The following ALPK2 variants were observed in gnomAD, a reference collection of about 807,000 sequenced individuals.
ALPK2 encodes alpha kinase 2, also known as alpha-protein kinase 2.
In ALPK2, 127 loss-of-function variants were observed where a neutral mutation model predicts 163.1. That is an observed-to-expected ratio of 0.78 (90% CI 0.67 to 0.90). The LOEUF (loss-of-function observed/expected upper bound fraction) is 0.90. ALPK2 is among the 40% of genes least tolerant of loss of function. ALPK2 has a pLI of 0.00. For missense variants in ALPK2, 2,360 were observed against 2,589.6 expected (o/e 0.91, Z 1.92); for synonymous variants, 953 against 959.1 (o/e 0.99, Z 0.12).
intron 4 of ALPK2, among the ~76,000 whole-genome samples, chr18:58,560,916 A>G (rs956625871): frequency 2.6e-5 from 4 of 152,226 alleles, no homozygotes; most frequent in Admixed American, 2.0e-4. Flanking sequence ...ATGCCCCAGA[A>G]TGGCCAGTGA....
intron 1 of ALPK2, among the ~76,000 whole-genome samples, chr18:58,618,648 A>G (rs1451553623): frequency 6.6e-6 from 1 of 152,228 alleles, no homozygotes; most frequent in African/African-American, 2.4e-5. Context: ...TGGGTTTAAC[A>G]TTGGCAAGAT....
intron 1 of ALPK2, among the ~76,000 whole-genome samples, chr18:58,614,380 G>A (rs2052152949): frequency 6.6e-6 from 1 of 152,144 alleles, no homozygotes; most frequent in African/African-American, 2.4e-5. Flanking sequence ...AATTATTTTT[G>A]GTTATAGAAC....
intron 10 of ALPK2, among the ~76,000 whole-genome samples, chr18:58,508,040 T>C (rs2051470320): frequency 6.6e-6 from 1 of 152,160 alleles, no homozygotes; most frequent in South Asian, 2.1e-4. Flanking sequence ...TCAGACCCTG[T>C]ATTCTGATGG....
At chr18:58,555,020 T>G (rs1293731056) in intron 4 of ALPK2, among the ~76,000 whole-genome samples, 1 of 152,242 alleles carries the variant, frequency 6.6e-6, no homozygotes, top group Non-Finnish European at 1.5e-5. Flanking sequence ...TTGTGAGGTC[T>G]TCTTAGCCAT....
chr18:58,585,185 T>G (rs1419539050), intron 3 of ALPK2, among the ~76,000 whole-genome samples: 1 of 152,238 alleles, frequency 6.6e-6, no homozygotes, highest in Non-Finnish European at 1.5e-5. Flanking sequence ...TCAAGACTCT[T>G]TAACACTCTT....
chr18:58,534,729 G>A (rs1436987598), intron 5 of ALPK2, 105 bp downstream of exon 5: 2 of 1,415,342 alleles, frequency 1.4e-6, no homozygotes, highest in Non-Finnish European at 1.9e-6. Context: ...ATGCCCACCT[G>A]GGGGACACTG....
chr18:58,533,081 C>T (rs1398267807), intron 5 of ALPK2, among the ~76,000 whole-genome samples: 1 of 152,226 alleles, frequency 6.6e-6, no homozygotes, highest in African/African-American at 2.4e-5. Context: ...TCCGGCAGGG[C>T]CCTCTCAGGA....
intron 11 of ALPK2, among the ~76,000 whole-genome samples, chr18:58,499,188 C>G (rs183683605): frequency 6.6e-6 from 1 of 152,304 alleles, no homozygotes; most frequent in Admixed American, 6.5e-5. Context: ...AAAACCAAAA[C>G]AGTAGAACAG....
At chr18:58,495,145 C>G (rs1339332431) in intron 12 of ALPK2, among the ~76,000 whole-genome samples, 1 of 152,164 alleles carries the variant, frequency 6.6e-6, no homozygotes, top group Admixed American at 6.5e-5. Flanking sequence ...AAAGAGGTCT[C>G]TCAACCACCT....
intron 3 of ALPK2, among the ~76,000 whole-genome samples, chr18:58,597,712 T>C (rs2052047805): frequency 6.6e-6 from 1 of 152,202 alleles, no homozygotes; most frequent in African/African-American, 2.4e-5. Flanking sequence ...AACACTTCCA[T>C]ATTTGGAGCT....
chr18:58,615,109 C>T (rs1011169817), intron 1 of ALPK2, among the ~76,000 whole-genome samples: 9 of 152,178 alleles, frequency 5.9e-5, no homozygotes, highest in African/African-American at 9.6e-5. Flanking sequence ...ACACAGAGCC[C>T]GGCCTATTCT....
At position 58,512,517 on chromosome 18, in the gene ALPK2, C is replaced by T. The variant is rs1380075728; in HGVS notation, c.6029+2476G>A. 3.9e-5 allele frequency among the ~76,000 whole-genome samples: 6 copies of T among 152,174 alleles called. No individual in the cohort carries two copies. In the East Asian group the frequency reaches 9.6e-4, roughly 24 times the overall value. ...GGCAGTGGGGGAGGGGGACAGGACT[C>T]CTGGTCCTCTCTCTAGACGTGCAGG... On this transcript the variant is annotated intron_variant, in intron 10 of 12. Transcript: ENST00000361673.
intron 4 of ALPK2, among the ~76,000 whole-genome samples, chr18:58,566,904 G>A (rs1388922499): frequency 6.6e-6 from 1 of 152,114 alleles, no homozygotes; most frequent in African/African-American, 2.4e-5. Context: ...GCCTCTAAAA[G>A]TTGTAGTATT....
chr18:58,587,920 T>C (rs2144206931), intron 3 of ALPK2, among the ~76,000 whole-genome samples: 1 of 152,340 alleles, frequency 6.6e-6, no homozygotes, highest in South Asian at 2.1e-4. Flanking sequence ...TTAGTTTTCC[T>C]TGAAGTGGCA....
At chr18:58,584,912 T>C (rs1040925112) in intron 3 of ALPK2, among the ~76,000 whole-genome samples, 2 of 152,180 alleles carry the variant, frequency 1.3e-5, no homozygotes, top group Non-Finnish European at 2.9e-5. Flanking sequence ...CCCACAGTGA[T>C]TTGACAGGAA....
chr18:58,482,032 C>T lies in ALPK2; in HGVS notation c.6304G>A (p.Gly2102Arg), dbSNP rs776524912. 19 of 1,612,866 alleles carry T rather than the reference C, an allele frequency of 1.2e-5. No individual in the cohort carries two copies. The South Asian group carries it at 1.8e-4, about 15-fold the overall frequency. Reference protein sequence around the residue: ...GIATLAKGYKGFKGNCSMTFI... With the variant: ...GIATLAKGYKRFKGNCSMTFI... ...GTCATGGAACAGTTGCCTTTAAATC[C>T]CTTGTACCTGTGAGTTTGGGTGGAA... The change falls in exon 13 of 13, where the codon GGA becomes AGA. Residue 2102 changes from glycine to arginine, a missense_variant. Gly to Arg is a moderately radical substitution (Grantham distance 125, BLOSUM62 -2). Coordinates refer to ENST00000361673, the MANE Select transcript of ALPK2 (RefSeq NM_052947.4).
Position 58,580,522 on chromosome 18 carries a change from T to C in ALPK2, c.254A>G (p.Tyr85Cys). 6.2e-7 allele frequency: 1 copy of C among 1,613,864 alleles called. No individual in the cohort carries two copies. Reference sequence around the variant, plus strand: ...AAAAGAGTTTTTAGCCGAGATTTGATAGACAGCAGCATCATTTTTGGTACA... The same window carrying C: ...AAAAGAGTTTTTAGCCGAGATTTGACAGACAGCAGCATCATTTTTGGTACA... ...SCCTKNDAAV[Y>C]QISAKNSFGM... The change falls in exon 4 of 13, where the codon TAT becomes TGT. Residue 85 changes from tyrosine (Y) to cysteine (C), a missense_variant. By Grantham distance (194) the Tyr-to-Cys change is radical (BLOSUM62 -2). Transcript: ENST00000361673.
intron 8 of ALPK2, among the ~76,000 whole-genome samples, chr18:58,517,465 A>G (rs2051528269): frequency 6.6e-6 from 1 of 152,220 alleles, no homozygotes; most frequent in African/African-American, 2.4e-5. Context: ...GATCTGGAAA[A>G]TATAAGTGGA....
chr18:58,491,316 C>A (rs2051373882), intron 12 of ALPK2, among the ~76,000 whole-genome samples: 1 of 152,192 alleles, frequency 6.6e-6, no homozygotes, highest in African/African-American at 2.4e-5. Context: ...TCCCTTCTTG[C>A]CTGGGAACTA....
Sources: gnomAD v4.1 joint callset for allele counts (sites outside exome capture counted in the v4.1 genomes callset) on GRCh38, gnomAD v4.1.1 for gene constraint, MANE v1.5 for transcripts, NCBI Gene and HGNC (gene_info 2026-07-23, HGNC 2026-07-21) for gene names.